Variants in SH3PXD2A observed in about 807,000 individuals in gnomAD.
SH3PXD2A encodes SH3 and PX domains 2A.
SH3PXD2A carries 32 observed loss-of-function variants against 115.2 expected under a neutral mutation model. That is an observed-to-expected ratio of 0.28 (90% CI 0.21 to 0.37). SH3PXD2A has a LOEUF of 0.37. Ranked by LOEUF, SH3PXD2A falls within the 10% of genes least tolerant of loss-of-function variation. SH3PXD2A has a pLI of 1.00. For synonymous variants in SH3PXD2A, 610 were observed against 629.1 expected, an observed-to-expected ratio of 0.97 and a Z score of 0.45; for missense variants, 1,328 against 1,498.7, an observed-to-expected ratio of 0.89 and a Z score of 1.88.
chr10:103,840,690 AATGCATCTC>A (rs2039588689), intron 1 of SH3PXD2A, among the ~76,000 whole-genome samples: 1 of 152,220 alleles, frequency 6.6e-6, no homozygotes, highest in Non-Finnish European at 1.5e-5. Context: ...ACCATTGGTA[AATGCATCTC>A]ATGCATCTCT....
At position 103,603,519 on chromosome 10, in the gene SH3PXD2A, A is replaced by C. The variant is rs1292750103; in HGVS notation, c.1699T>G (p.Ser567Ala). 2 of 1,612,506 alleles carry C rather than the reference A, an allele frequency of 1.2e-6. No homozygotes were observed. The highest frequency in any genetic ancestry group is 2.7e-5 in the African/African-American group (2 of 74,912). ...EYDIPAFGFDSEPELSEEPVE... is the reference protein window; with the variant it reads ...EYDIPAFGFDAEPELSEEPVE... ...GGCTCCTCGCTCAGCTCAGGCTCTG[A>C]GTCAAAGCCGAATGCAGGGATGTCA... The change falls in exon 15 of 15, where the codon TCA becomes GCA. Residue 567 changes from serine (S) to alanine (A), a missense_variant. Physicochemically the swap from Ser to Ala is moderately conservative, Grantham distance 99. Coordinates refer to ENST00000369774, the MANE Select transcript of SH3PXD2A (RefSeq NM_001394015.1).
At chr10:103,726,679 A>G (rs1268714757) in intron 4 of SH3PXD2A, among the ~76,000 whole-genome samples, 1 of 152,226 alleles carries the variant, frequency 6.6e-6, no homozygotes, top group East Asian at 1.9e-4. Context: ...AAACCCACAT[A>G]TAATCTTAGG....
At chr10:103,670,206 G>A (rs191135894) in intron 6 of SH3PXD2A, among the ~76,000 whole-genome samples, 6 of 152,234 alleles carry the variant, frequency 3.9e-5, no homozygotes, top group African/African-American at 9.6e-5. Context: ...TAGCAGAGTG[G>A]GGCTTTGGTG....
intron 8 of SH3PXD2A, among the ~76,000 whole-genome samples, chr10:103,633,047 C>T (rs1051700082): frequency 6.6e-6 from 1 of 152,134 alleles, no homozygotes; most frequent in Non-Finnish European, 1.5e-5. Flanking sequence ...ACAGGAAGGA[C>T]CTGAGACCTG....
intron 2 of SH3PXD2A, among the ~76,000 whole-genome samples, chr10:103,773,908 T>C (rs1589449631): frequency 6.6e-6 from 1 of 152,188 alleles, no homozygotes; most frequent in African/African-American, 2.4e-5. Context: ...TAATTGTCTT[T>C]TTTTCTTTTA....
intron 1 of SH3PXD2A, among the ~76,000 whole-genome samples, chr10:103,851,545 C>T (rs1275691158): frequency 1.3e-5 from 2 of 152,202 alleles, no homozygotes; most frequent in African/African-American, 4.8e-5. Context: ...TCCTTTGGAG[C>T]TAACCTGACC....
At chr10:103,797,777 T>G (rs2039107068) in intron 2 of SH3PXD2A, among the ~76,000 whole-genome samples, 1 of 152,024 alleles carries the variant, frequency 6.6e-6, no homozygotes. Flanking sequence ...TGGAAGCTAC[T>G]GTGGAGAGAA....
intron 3 of SH3PXD2A, among the ~76,000 whole-genome samples, chr10:103,758,638 C>T (rs1430530642): frequency 1.3e-5 from 2 of 152,236 alleles, no homozygotes; most frequent in East Asian, 1.9e-4. Flanking sequence ...TGTTCAGAGT[C>T]AGCTGCTGAC....
At chr10:103,613,309 C>T (rs371331835) in intron 11 of SH3PXD2A, 119 bp from the exon 12 acceptor site, 31 of 734,882 alleles carry the variant, frequency 4.2e-5, no homozygotes, top group Admixed American at 2.7e-4. Context: ...TTCTGCAAGG[C>T]TTGGCAATCC....
rs2039594617 is a variant in SH3PXD2A, at chr10:103,841,208, ATCC to A, written c.72+13984_72+13986del. 2.6e-5 allele frequency among the ~76,000 whole-genome samples: 4 copies of A among 152,162 alleles called. No homozygotes were observed. The South Asian group carries it at 8.3e-4, about 32-fold the overall frequency. On this transcript the variant is annotated intron_variant, in intron 1 of 14. Coordinates refer to ENST00000369774, the MANE Select transcript of SH3PXD2A (RefSeq NM_001394015.1). Reference sequence around the variant, plus strand: ...TCACACTGATCCAGGACGCACCATGATCCAGACCCTCTGCTAGCATGAGGAGGG... The same window carrying A: ...TCACACTGATCCAGGACGCACCATGAAGACCCTCTGCTAGCATGAGGAGGG...
At chr10:103,695,659 C>T (rs189992766) in intron 5 of SH3PXD2A, among the ~76,000 whole-genome samples, 1 of 152,286 alleles carries the variant, frequency 6.6e-6, no homozygotes, top group Non-Finnish European at 1.5e-5. Flanking sequence ...AGGGCCCCAC[C>T]CCAACCTACT....
At chr10:103,696,418 C>T (rs1009186358) in intron 5 of SH3PXD2A, among the ~76,000 whole-genome samples, 2 of 152,186 alleles carry the variant, frequency 1.3e-5, no homozygotes, top group Non-Finnish European at 2.9e-5. Context: ...CTTCCCACTG[C>T]CCTATAACCA....
intron 4 of SH3PXD2A, among the ~76,000 whole-genome samples, chr10:103,726,047 A>G (rs1408068934): frequency 6.6e-6 from 1 of 152,124 alleles, no homozygotes; most frequent in Non-Finnish European, 1.5e-5. Flanking sequence ...TACTGGGGCA[A>G]GGAAGGATCC....
At chr10:103,674,867 C>T (rs2037511839) in intron 6 of SH3PXD2A, among the ~76,000 whole-genome samples, 1 of 151,850 alleles carries the variant, frequency 6.6e-6, no homozygotes, top group Admixed American at 6.6e-5. Flanking sequence ...TAAAACAAAA[C>T]AAAAAAACAA....
intron 3 of SH3PXD2A, among the ~76,000 whole-genome samples, chr10:103,760,383 A>G (rs1311967271): frequency 6.6e-6 from 1 of 152,170 alleles, no homozygotes; most frequent in Non-Finnish European, 1.5e-5. Context: ...AGCCTAAGCA[A>G]CATGATAAAA....
intron 2 of SH3PXD2A, 116 bp downstream of exon 2, chr10:103,801,166 C>G (rs976709032): frequency 1.6e-5 from 11 of 666,970 alleles, no homozygotes; most frequent in Admixed American, 9.4e-5. Context: ...CCCTCTGCTC[C>G]CACCTGGACT....
At chr10:103,661,698 G>A in intron 7 of SH3PXD2A, 2 of 985,280 alleles carry the variant, frequency 2.0e-6, no homozygotes, top group Non-Finnish European at 2.4e-6. Flanking sequence ...GCGGGAGAGA[G>A]CTTCTCCACG....
chr10:103,777,208 G>A (rs2038888554), intron 2 of SH3PXD2A, among the ~76,000 whole-genome samples: 1 of 152,274 alleles, frequency 6.6e-6, no homozygotes, highest in East Asian at 1.9e-4. Context: ...CACTGAGTAA[G>A]TGCTCCATAC....
At chr10:103,608,151 A>T (rs1266690206) in intron 13 of SH3PXD2A, among the ~76,000 whole-genome samples, 1 of 71,284 alleles carries the variant, frequency 1.4e-5, no homozygotes, top group Non-Finnish European at 2.7e-5. Flanking sequence ...TGATCAATTT[A>T]AAAAAAAAAA....
Sources: allele counts gnomAD v4.1 joint callset (sites outside exome capture counted in the v4.1 genomes callset), GRCh38; gene constraint gnomAD v4.1.1; transcripts MANE v1.5; gene names NCBI Gene and HGNC (gene_info 2026-07-23, HGNC 2026-07-21).